The following THSD7B variants were observed in gnomAD, a reference collection of about 807,000 sequenced individuals.
THSD7B encodes thrombospondin type 1 domain containing 7B, also known as thrombospondin type-1 domain-containing protein 7B.
In THSD7B, 138 loss-of-function variants were observed where a neutral mutation model predicts 213.6. The observed-to-expected ratio is 0.65, with a 90% CI of 0.56 to 0.74. The LOEUF is 0.74. THSD7B is among the 30% of genes least tolerant of loss of function. THSD7B has a pLI of 0.00. For synonymous variants in THSD7B, 742 were observed against 687.0 expected (o/e 1.08, Z -1.25); for missense variants, 1,931 against 1,991.5 (o/e 0.97, Z 0.58).
At chr2:137,453,326 CT>C (rs70978223) in intron 15 of THSD7B, among the ~76,000 whole-genome samples, 11 of 96,844 alleles carry the variant, frequency 1.1e-4, no homozygotes, top group African/African-American at 2.6e-4. Flanking sequence ...TTGAAATTTA[CT>C]TTTTTTTTTT....
At chr2:136,906,588 T>C (rs1376314294) in intron 2 of THSD7B, 1 of 152,192 alleles carries the variant, frequency 6.6e-6, no homozygotes, top group Non-Finnish European at 1.5e-5. Context: ...TTCATCAAAA[T>C]AGTGATTTGG....
intron 10 of THSD7B, among the ~76,000 whole-genome samples, chr2:137,243,607 G>A (rs570286598): frequency 7.2e-5 from 11 of 152,280 alleles, no homozygotes; most frequent in African/African-American, 1.9e-4. Flanking sequence ...AGCTGTGTGC[G>A]TCTAAGATCC....
intron 1 of THSD7B, among the ~76,000 whole-genome samples, chr2:136,879,224 T>A (rs1444626376): frequency 6.6e-6 from 1 of 152,222 alleles, no homozygotes; most frequent in Non-Finnish European, 1.5e-5. Context: ...ATCAAATAGT[T>A]GTAGATGTGT....
intron 15 of THSD7B, among the ~76,000 whole-genome samples, chr2:137,454,060 T>C (rs1418771597): frequency 6.6e-6 from 1 of 152,238 alleles, no homozygotes; most frequent in Non-Finnish European, 1.5e-5. Flanking sequence ...TAAATAGTGC[T>C]GTAATGAGTA....
At chr2:137,476,457 T>C (rs150454641) in intron 15 of THSD7B, among the ~76,000 whole-genome samples, 4 of 152,292 alleles carry the variant, frequency 2.6e-5, no homozygotes, top group Non-Finnish European at 5.9e-5. Context: ...TTTGGTTTTA[T>C]GTCTAAGTCT....
chr2:137,209,599 A>G (rs1681057047), intron 7 of THSD7B, among the ~76,000 whole-genome samples: 1 of 152,084 alleles, frequency 6.6e-6, no homozygotes, highest in African/African-American at 2.4e-5. Flanking sequence ...AAGAACCTGA[A>G]CTAAATACTG....
chr2:137,023,731 G>A (rs1037724584), intron 2 of THSD7B, among the ~76,000 whole-genome samples: 4 of 152,144 alleles, frequency 2.6e-5, no homozygotes, highest in Admixed American at 2.6e-4. Flanking sequence ...AGTCCTGTCA[G>A]TAAATCGTCA....
At chr2:137,182,703 G>A (rs879201802) in intron 7 of THSD7B, among the ~76,000 whole-genome samples, 2 of 152,050 alleles carry the variant, frequency 1.3e-5, no homozygotes, top group Admixed American at 6.6e-5. Flanking sequence ...ACTGATGACC[G>A]GATTCCCAGA....
rs77165307 is a variant in THSD7B, at chr2:136,863,921, A to C, written c.-35-18223A>C. 3.7e-3 allele frequency among the ~76,000 whole-genome samples: 564 copies of C among 152,260 alleles called. 3 individuals carry two copies. The highest frequency in any genetic ancestry group is 0.013 in the African/African-American group (541 of 41,542). Reference sequence around the variant, plus strand: ...GGTGATTTACAGGACCGTGAAACCCAAGGGTCTGCTTCCTGCTTGGCTCCA... The same window carrying C: ...GGTGATTTACAGGACCGTGAAACCCCAGGGTCTGCTTCCTGCTTGGCTCCA... On this transcript the variant is annotated intron_variant, in intron 1 of 27. Transcript: ENST00000409968.
intron 15 of THSD7B, among the ~76,000 whole-genome samples, chr2:137,507,223 T>A (rs2105146035): frequency 6.6e-6 from 1 of 152,314 alleles, no homozygotes; most frequent in South Asian, 2.1e-4. Flanking sequence ...GAAAGTAACC[T>A]TCCGGCTTCT....
intron 16 of THSD7B, 138 bp downstream of exon 16, chr2:137,563,492 T>G: frequency 8.4e-7 from 1 of 1,187,816 alleles, no homozygotes; most frequent in Middle Eastern, 2.2e-4. Flanking sequence ...CTTTGAAATA[T>G]TCATTGAAAT....
At chr2:136,848,710 GTTT>G (rs1683048738) in intron 1 of THSD7B, among the ~76,000 whole-genome samples, 1 of 152,040 alleles carries the variant, frequency 6.6e-6, no homozygotes, top group East Asian at 1.9e-4. Context: ...AGCTCTAGGG[GTTT>G]TTAGTTATGC....
chr2:137,004,340 C>CACACACAA (rs879874735), intron 2 of THSD7B, among the ~76,000 whole-genome samples: 96 of 145,982 alleles, frequency 6.6e-4, no homozygotes, highest in Non-Finnish European at 1.2e-3. Flanking sequence ...CACACACACA[C>CACACACAA]ACACACAAAC....
At chr2:137,122,619 G>A (rs1688564111) in intron 5 of THSD7B, among the ~76,000 whole-genome samples, 1 of 152,156 alleles carries the variant, frequency 6.6e-6, no homozygotes, top group Non-Finnish European at 1.5e-5. Flanking sequence ...TAGGCCTCAT[G>A]TGATCAGATC....
intron 14 of THSD7B, among the ~76,000 whole-genome samples, chr2:137,434,177 T>C (rs545218182): frequency 3.9e-5 from 6 of 152,320 alleles, no homozygotes; most frequent in Admixed American, 2.6e-4. Flanking sequence ...TCAACATTGT[T>C]TGGGTAGCTA....
intron 2 of THSD7B, among the ~76,000 whole-genome samples, chr2:137,038,027 A>C (rs1175339636): frequency 6.6e-6 from 1 of 152,174 alleles, no homozygotes; most frequent in African/African-American, 2.4e-5. Flanking sequence ...GAATCAGATA[A>C]TTATTATTAC....
chr2:137,591,576 A>G (rs1444574723), intron 17 of THSD7B, among the ~76,000 whole-genome samples: 2 of 151,962 alleles, frequency 1.3e-5, no homozygotes, highest in African/African-American at 4.8e-5. Flanking sequence ...CCTTTCTTAG[A>G]ATACACATAT....
chr2:136,803,162 C>A (rs550357037), intron 1 of THSD7B, among the ~76,000 whole-genome samples: 1 of 152,066 alleles, frequency 6.6e-6, no homozygotes, highest in Non-Finnish European at 1.5e-5. Flanking sequence ...CCCACACACA[C>A]ACACATGCAC....
At chr2:136,956,546 C>T (rs1436526215) in intron 2 of THSD7B, among the ~76,000 whole-genome samples, 2 of 147,082 alleles carry the variant, frequency 1.4e-5, no homozygotes, top group African/African-American at 5.1e-5. Flanking sequence ...ATTGAGGCTG[C>T]AGTGAGCCAT....
Sources: allele counts gnomAD v4.1 joint callset (sites outside exome capture counted in the v4.1 genomes callset), GRCh38; gene constraint gnomAD v4.1.1; transcripts MANE v1.5; gene names NCBI Gene and HGNC (gene_info 2026-07-23, HGNC 2026-07-21).